SGK2: variants seen among roughly 807,000 people sequenced by gnomAD.
The protein encoded by SGK2 is serine/threonine-protein kinase Sgk2.
Under a neutral mutation model 47.5 loss-of-function variants are expected in SGK2, and 36 were observed. The ratio of observed to expected loss-of-function variants is 0.76; its 90% CI spans 0.58 to 1.00. The LOEUF is 1.00. Among genes scored for constraint, SGK2 ranks in the 50% least tolerant of loss-of-function variants. The probability of loss-of-function intolerance (pLI) is 0.00; values close to 1 mark genes in which losing one functional copy is unlikely to be tolerated. For missense variants in SGK2, 404 were observed against 467.4 expected (o/e 0.86, Z 1.25); for synonymous variants, 157 against 181.9 (o/e 0.86, Z 1.10).
At chr20:43,583,353 C>G (rs1224465302) in intron 12 of SGK2, 1 of 1,277,282 alleles carries the variant, frequency 7.8e-7, no homozygotes, top group Non-Finnish European at 1.0e-6. Flanking sequence ...GGTTTTGTCA[C>G]CTACCATTTG....
chr20:43,562,073 C>T (rs1199436211), intron 1 of SGK2, among the ~76,000 whole-genome samples: 4 of 151,906 alleles, frequency 2.6e-5, no homozygotes, highest in Admixed American at 6.6e-5. Flanking sequence ...CAGACTGGGG[C>T]AGAGTGGAAG....
chr20:43,585,197 C>A lies in SGK2; in HGVS notation c.*181C>A, dbSNP rs1416688219. On this transcript the variant is annotated 3_prime_UTR_variant, in exon 13 of 13. Transcript: ENST00000373100. ...GACTGGCAGGACAGGTCATCAGATA[C>A]TCAGAGGCTGTATCTCTGCCCTGCC... is the stretch of plus-strand genomic sequence containing the variant. 7.8e-6 allele frequency: 4 copies of A among 511,562 alleles called. No individual in the cohort carries two copies. The Admixed American group carries it at 9.7e-5, about 12-fold the overall frequency. The allele number at this position is 511,562 out of a possible 1,614,324, so 31.7% of individuals were successfully genotyped here.
intron 5 of SGK2, 48 bp from the exon 6 acceptor site, chr20:43,569,337 A>G: frequency 6.2e-7 from 1 of 1,604,938 alleles, no homozygotes. Context: ...GGGATAAAAG[A>G]GGCTGTTGTG....
At chr20:43,564,132 C>A (rs1979539962) in intron 1 of SGK2, among the ~76,000 whole-genome samples, 2 of 152,240 alleles carry the variant, frequency 1.3e-5, no homozygotes. Context: ...CCTGTGAGAA[C>A]CTAATGACCG....
intron 8 of SGK2, among the ~76,000 whole-genome samples, chr20:43,571,717 TCTA>T (rs1184129124): frequency 6.6e-6 from 1 of 152,180 alleles, no homozygotes; most frequent in East Asian, 1.9e-4. Flanking sequence ...ATCTACTCAT[TCTA>T]CCTTCCTGCC....
chr20:43,582,049 A>T (rs1011195337), intron 12 of SGK2, among the ~76,000 whole-genome samples: 2 of 152,060 alleles, frequency 1.3e-5, no homozygotes, highest in African/African-American at 2.4e-5. Flanking sequence ...TTAGTTTTTT[A>T]AATTTATTTA....
intron 12 of SGK2, chr20:43,583,114 C>A: frequency 1.7e-6 from 2 of 1,147,842 alleles, no homozygotes; most frequent in Non-Finnish European, 2.3e-6. Flanking sequence ...AATGTTAATT[C>A]ACCATTTACA....
chr20:43,569,757 T>G (rs1370834020), intron 6 of SGK2: 6 of 488,388 alleles, frequency 1.2e-5, no homozygotes, highest in African/African-American at 1.9e-5. Context: ...AATGCTTTCT[T>G]GCCTTCCTCA....
chr20:43,570,015 C>A (rs186400420), intron 6 of SGK2, among the ~76,000 whole-genome samples: 1 of 152,252 alleles, frequency 6.6e-6, no homozygotes, highest in Non-Finnish European at 1.5e-5. Flanking sequence ...GTCAGTGACC[C>A]CAGATTTAAC....
intron 7 of SGK2, 130 bp from the exon 8 acceptor site, chr20:43,570,894 G>GAA: frequency 6.8e-7 from 1 of 1,461,452 alleles, no homozygotes; most frequent in Non-Finnish European, 9.5e-7. Flanking sequence ...GCCTTTCTGG[G>GAA]CTCTCCTTCT....
At chr20:43,568,607 C>T (rs1428156782) in intron 5 of SGK2, among the ~76,000 whole-genome samples, 1 of 152,112 alleles carries the variant, frequency 6.6e-6, no homozygotes, top group Non-Finnish European at 1.5e-5. Flanking sequence ...TCAGCCTCCC[C>T]AGTAGCTGAG....
intron 12 of SGK2, chr20:43,583,121 T>C: frequency 8.5e-7 from 1 of 1,183,340 alleles, no homozygotes; most frequent in Non-Finnish European, 1.1e-6. Context: ...ATTCACCATT[T>C]ACATTTCTCA....
Position 43,584,944 on chromosome 20 carries a change from C to T in SGK2, c.1032C>T (p.Ser344=). Reference sequence around the variant, plus strand: ...GCTGTACCCCTGACACTGTGGCCAGCAGCTCTGGGGCCTCAAGTGCATTCC... The same window carrying T: ...GCTGTACCCCTGACACTGTGGCCAGTAGCTCTGGGGCCTCAAGTGCATTCC... ...SIGCTPDTVA[S]SSGASSAFLG... The change falls in exon 13 of 13, where the codon AGC becomes AGT. Residue 344 remains serine, a synonymous_variant. Transcript: ENST00000373100. 1 of 1,614,142 alleles carries T rather than the reference C, an allele frequency of 6.2e-7. No homozygotes were observed. The highest frequency in any genetic ancestry group is 1.1e-5 in the South Asian group (1 of 91,078).
In SGK2 at chr20:43,561,602, A is replaced by C. The variant is rs553477284; in HGVS notation, c.-24+2443A>C. On this transcript the variant is annotated intron_variant, in intron 1 of 12. Transcript: ENST00000373100. ...ACGGGGTTTCACCATGTTGGCCAGGATGGTTTCGATCTCTGACCTCATGAT... is the reference window on the plus strand; with the variant it reads ...ACGGGGTTTCACCATGTTGGCCAGGCTGGTTTCGATCTCTGACCTCATGAT... Among the ~76,000 whole-genome samples, 7 of 151,904 alleles carry C rather than the reference A, an allele frequency of 4.6e-5. No individual in the cohort carries two copies. In the East Asian group the frequency reaches 5.8e-4, roughly 13 times the overall value.
chr20:43,576,198 T>C, intron 10 of SGK2, 26 bp from the exon 11 acceptor site: 1 of 1,611,946 alleles, frequency 6.2e-7, no homozygotes, highest in Non-Finnish European at 8.5e-7. Flanking sequence ...TGGGTGATCC[T>C]CCAGCTGTTC....
chr20:43,562,470 G>C lies in SGK2; in HGVS notation c.-24+3311G>C, dbSNP rs963539410. Among the ~76,000 whole-genome samples, 5 of 151,366 alleles carry C rather than the reference G, an allele frequency of 3.3e-5. No homozygotes were observed. In the East Asian group the frequency reaches 7.7e-4, roughly 23 times the overall value. ...GATTGAGATGCTTTGGCTGGGCACG[G>C]TGGCTCACACCTGTAATCCCAGCAC... is the stretch of plus-strand genomic sequence containing the variant. On this transcript the variant is annotated intron_variant, in intron 1 of 12. Coordinates refer to ENST00000373100, the MANE Select transcript of SGK2 (RefSeq NM_170693.3).
intron 5 of SGK2, 24 bp downstream of exon 5, chr20:43,568,023 T>A (rs998844777): frequency 1.4e-5 from 23 of 1,597,848 alleles, no homozygotes; most frequent in Middle Eastern, 1.7e-4. Context: ...GGCACAGGCA[T>A]TTCTTCTTCT....
In SGK2 at chr20:43,574,856, G is replaced by T. The variant is rs373383531; in HGVS notation, c.598-53G>T. On this transcript the variant is annotated intron_variant, in intron 9 of 12. Transcript: ENST00000373100. The stretch of plus-strand genomic sequence containing the variant: ...CCTCCAAGTGCCTTATTTACAGCTG[G>T]GGCAACTGAGGCTTAACGACTTATT... 56 of 1,370,656 alleles carry T rather than the reference G, an allele frequency of 4.1e-5. No homozygotes were observed. In the African/African-American group the frequency reaches 7.0e-4, roughly 17 times the overall value. The allele number at this position is 1,370,656 out of a possible 1,614,324, so 84.9% of individuals were successfully genotyped here. A position where few individuals can be genotyped will look rare whatever the true frequency, so the allele number is the denominator to read the frequency against.
chr20:43,583,465 C>T (rs1411762873), intron 12 of SGK2: 1 of 1,179,800 alleles, frequency 8.5e-7, no homozygotes. Context: ...GAGTGCTGGG[C>T]TGGGACTACC....
Sources: allele counts gnomAD v4.1 joint callset (sites outside exome capture counted in the v4.1 genomes callset), GRCh38; gene constraint gnomAD v4.1.1; transcripts MANE v1.5; gene names NCBI Gene and HGNC (gene_info 2026-07-23, HGNC 2026-07-21).